Variants in FOXM1 observed in about 807,000 individuals in gnomAD.
FOXM1 encodes forkhead box M1.
FOXM1 carries 25 observed loss-of-function variants against 63.6 expected under a neutral mutation model. The observed-to-expected ratio is 0.39, with a 90% CI of 0.29 to 0.55. The LOEUF is 0.55. FOXM1 is among the 20% of genes least tolerant of loss of function. FOXM1 has a pLI of 0.60. For missense variants in FOXM1, 879 were observed against 958.7 expected (o/e 0.92, Z 1.10); for synonymous variants, 387 against 376.9 (o/e 1.03, Z -0.31).
intron 8 of FOXM1, chr12:2,861,333 G>T (rs774455070): frequency 2.7e-6 from 2 of 740,968 alleles, no homozygotes; most frequent in South Asian, 3.0e-5. Flanking sequence ...AAACAAGCTG[G>T]TGATGGGTGT....
In FOXM1 at chr12:2,870,656, C is replaced by G. The variant is rs960916791; in HGVS notation, c.654+1440G>C. On this transcript the variant is annotated intron_variant, in intron 3 of 8. Coordinates refer to ENST00000359843, the MANE Select transcript of FOXM1 (RefSeq NM_021953.4). ...CCAGCCTGGCAACAAAGAGAGAATC[C>G]GTCTCAAAAAGAAAAAAAAAGAGGC... is the stretch of plus-strand genomic sequence containing the variant. Among the ~76,000 whole-genome samples, 7 of 146,474 alleles carry G rather than the reference C, an allele frequency of 4.8e-5. No individual in the cohort carries two copies. The East Asian group carries it at 1.2e-3, about 26-fold the overall frequency.
In FOXM1 at chr12:2,864,853, A is replaced by T. The variant is rs1411028126; in HGVS notation, c.1021-101T>A. On this transcript the variant is annotated intron_variant, in intron 6 of 8. Transcript: ENST00000359843. The surrounding 1 kb of genome is among the most constrained non-coding windows in gnomAD (Gnocchi z 5.1). ...CAGCTGCTCTGGTGGTGTGTGCTTG[A>T]GTTAATGACAGCCCAGAGAGAGGAG... 2 of 1,308,664 alleles carry T rather than the reference A, an allele frequency of 1.5e-6. No individual in the cohort carries two copies. The highest frequency in any genetic ancestry group is 4.6e-5 in the East Asian group (2 of 43,268). 81.1% of individuals were successfully genotyped at this position (1,308,664 alleles called of 1,614,324 possible). A position where few individuals can be genotyped will look rare whatever the true frequency, so the allele number is the denominator to read the frequency against.
At position 2,863,155 on chromosome 12, in the gene FOXM1, C is replaced by T. The variant is rs114951148; in HGVS notation, c.1266+1165G>A. Among the ~76,000 whole-genome samples the T allele has an allele frequency of 9.2e-3, 1,407 of 152,228 alleles. 22 individuals are homozygous for T. Among genetic ancestry groups the T allele is most frequent in the African/African-American group, 0.031 (1,296 of 41,538 alleles). On this transcript the variant is annotated intron_variant, in intron 8 of 8. Transcript: ENST00000359843. ...ATTGCCGCGCCTGTGGTGGGTGCTACTGGCGTCTAGTGGGGAAAACAAGGG... is the reference window on the plus strand; with the variant it reads ...ATTGCCGCGCCTGTGGTGGGTGCTATTGGCGTCTAGTGGGGAAAACAAGGG...
Position 2,859,462 on chromosome 12 carries a change from G to A in FOXM1, c.1468C>T (p.Pro490Ser), listed in dbSNP as rs1466818757. ...GATTCCTCTTTGAAAGATGGGGCCG[G>A]GGAGGGCCACTCTTCCAAGGGAGGG... Reference protein sequence around the residue: ...ESPPLEEWPSPAPSFKEESSH... With the variant: ...ESPPLEEWPSSAPSFKEESSH... The change falls in exon 9 of 9, where the codon CCG (proline) becomes TCG (serine). Residue 490 changes from proline to serine, a missense_variant. Around this residue, in one of 4 missense-constraint regions of FOXM1, gnomAD observed 486 missense variants for 453.5 expected, o/e 1.07. Transcript: ENST00000359843. 1.2e-6 allele frequency: 2 copies of A among 1,613,806 alleles called. No homozygotes were observed. Among genetic ancestry groups the A allele is most frequent in the Non-Finnish European group, 1.7e-6 (2 of 1,180,018 alleles).
chr12:2,858,888 G>C lies in FOXM1; in HGVS notation c.2042C>G (p.Pro681Arg), dbSNP rs753064494. 5.0e-6 allele frequency: 8 copies of C among 1,613,920 alleles called. No individual in the cohort carries two copies. The Admixed American group carries it at 8.3e-5, about 17-fold the overall frequency. The stretch of plus-strand genomic sequence containing the variant: ...AAAGGGGACGGAGATGAGGTCTAAG[G>C]GTTCTGAACTGAGGAGCCTTTGCGG... Reference protein sequence around the residue: ...ESPQRLLSSEPLDLISVPFGN... With the variant: ...ESPQRLLSSERLDLISVPFGN... Residue 681 changes from proline (P) to arginine (R), a missense_variant, in exon 9 of 9, where the codon CCC becomes CGC. Physicochemically the swap from Pro to Arg is moderately radical, Grantham distance 103. Coordinates refer to ENST00000359843, the MANE Select transcript of FOXM1 (RefSeq NM_021953.4).
Position 2,858,927 on chromosome 12 carries a change from G to T in FOXM1, c.2003C>A (p.Pro668His), listed in dbSNP as rs764705130. The change falls in exon 9 of 9, where the codon CCC becomes CAC. Residue 668 changes from proline to histidine, a missense_variant. By Grantham distance (77) the Pro-to-His change is moderately conservative (BLOSUM62 -2). Transcript: ENST00000359843. ...GAGCCTTTGCGGTGATTCAAGGGGG[G>T]GAGCACTTTGCAAGGGAGTGGTGCT... The part of the protein sequence containing the change: ...DLSTTPLQSA[P>H]PLESPQRLLS... 3.1e-6 allele frequency: 5 copies of T among 1,613,658 alleles called. No homozygotes were observed. Among genetic ancestry groups the T allele is most frequent in the Non-Finnish European group, 4.2e-6 (5 of 1,180,010 alleles).
rs745405351 is a variant in FOXM1 at position 2,864,648 on chromosome 12, A to G, written c.1090+35T>C. ...TCCCTAAAGATATGGCCCCAGAACA[A>G]GGACCAGGCCCAAGGCCCACTCTCC... On this transcript the variant is annotated intron_variant, in intron 7 of 8. Coordinates refer to ENST00000359843, the MANE Select transcript of FOXM1 (RefSeq NM_021953.4). This position sits in a 1 kb window ranked among gnomAD's most constrained non-coding sequence, Gnocchi z 5.1. 5.0e-6 allele frequency: 8 copies of G among 1,609,410 alleles called. No homozygotes were observed. The Admixed American group carries it at 8.3e-5, about 17-fold the overall frequency.
intron 8 of FOXM1, among the ~76,000 whole-genome samples, chr12:2,862,181 GAAAAA>G (rs962205817): frequency 9.8e-6 from 1 of 102,436 alleles, no homozygotes; most frequent in Non-Finnish European, 2.1e-5. Flanking sequence ...TCCGTCTCAG[GAAAAA>G]AAAAAAAAAA....
At position 2,858,580 on chromosome 12, in the gene FOXM1, T is replaced by TGAGCCTTGGAGTGCCCG; in HGVS notation, c.*41_*57dup. On this transcript the variant is annotated 3_prime_UTR_variant, in exon 9 of 9. Transcript: ENST00000359843. Reference sequence around the variant, plus strand: ...CCTCACTCAGAGGCTTGGGGTGCACTGAGCCTTGGAGTGCCCGGGATGGTG... The same window carrying TGAGCCTTGGAGTGCCCG: ...CCTCACTCAGAGGCTTGGGGTGCACTGAGCCTTGGAGTGCCCGGAGCCTTGGAGTGCCCGGGATGGTG... The TGAGCCTTGGAGTGCCCG allele has an allele frequency of 2.7e-6, 4 of 1,491,872 alleles. No individual in the cohort carries two copies. Among genetic ancestry groups the TGAGCCTTGGAGTGCCCG allele is most frequent in the Non-Finnish European group, 3.7e-6 (4 of 1,092,120 alleles). 92.4% of individuals were successfully genotyped at this position (1,491,872 alleles called of 1,614,324 possible).
rs1434602845 is a variant in FOXM1 at position 2,864,570 on chromosome 12, C to T, written c.1091-75G>A. ...TTCTCAGCCCCAGGAGCTTTGCTCTCCTTCTCTGGGCTCAGATCCCTTTGA... is the reference window on the plus strand; with the variant it reads ...TTCTCAGCCCCAGGAGCTTTGCTCTTCTTCTCTGGGCTCAGATCCCTTTGA... On this transcript the variant is annotated intron_variant, in intron 7 of 8. Coordinates refer to ENST00000359843, the MANE Select transcript of FOXM1 (RefSeq NM_021953.4). This position sits in a 1 kb window ranked among gnomAD's most constrained non-coding sequence, Gnocchi z 5.1. 27 of 1,582,982 alleles carry T rather than the reference C, an allele frequency of 1.7e-5. No homozygotes were observed. Among genetic ancestry groups the T allele is most frequent in the Non-Finnish European group, 2.3e-5 (27 of 1,154,406 alleles).
chr12:2,876,515 G>C (rs1384079234), intron 1 of FOXM1: 1 of 152,460 alleles, frequency 6.6e-6, no homozygotes. Flanking sequence ...CCTGCAAAAG[G>C]GTAAGTAAGA....
Position 2,874,911 on chromosome 12 carries a change from A to T in FOXM1, c.-47-386T>A, listed in dbSNP as rs1042210900. Among the ~76,000 whole-genome samples, 7 of 152,164 alleles carry T rather than the reference A, an allele frequency of 4.6e-5. No individual in the cohort carries two copies. The highest frequency in any genetic ancestry group is 1.2e-4 in the African/African-American group (5 of 41,452). ...TGTATGGACAGAAATGGAAGATGCT[A>T]GAATAGGAAAGCATATGGTAATTAG... On this transcript the variant is annotated intron_variant, in intron 1 of 8. Coordinates refer to ENST00000359843, the MANE Select transcript of FOXM1 (RefSeq NM_021953.4). The surrounding 1 kb of genome is among the most constrained non-coding windows in gnomAD (Gnocchi z 4.3).
Position 2,864,530 on chromosome 12 carries a change from A to G in FOXM1, c.1091-35T>C. The G allele has an allele frequency of 6.3e-7, 1 of 1,597,588 alleles. No homozygotes were observed. Among genetic ancestry groups the G allele is most frequent in the Non-Finnish European group, 8.6e-7 (1 of 1,167,510 alleles). On this transcript the variant is annotated intron_variant, in intron 7 of 8. Transcript: ENST00000359843. This position sits in a 1 kb window ranked among gnomAD's most constrained non-coding sequence, Gnocchi z 5.1. ...AACACGAGAGATCAGGAGCAGGGGG[A>G]CTGGAGTACACCCCTTCTCAGCCCC... is the stretch of plus-strand genomic sequence containing the variant.
chr12:2,865,149 G>A (rs2098120841), intron 6 of FOXM1, among the ~76,000 whole-genome samples: 1 of 152,216 alleles, frequency 6.6e-6, no homozygotes, highest in Non-Finnish European at 1.5e-5. Flanking sequence ...GCTCTGCTCA[G>A]TGTGCCCTTG....
chr12:2,873,912 A>G (rs553914883), intron 2 of FOXM1, 65 bp downstream of exon 2: 2 of 1,519,848 alleles, frequency 1.3e-6, no homozygotes, highest in East Asian at 2.3e-5. Flanking sequence ...AAGACTGACT[A>G]CACACCTTGC....
At position 2,859,211 on chromosome 12, in the gene FOXM1, T is replaced by G; in HGVS notation, c.1719A>C (p.Ala573=). ...SEGPSTSRWA[A]ELPFPADSSD... is the part of the protein sequence containing the mutation. ...AGGAGTCTGCTGGGAACGGGAGCTC[T>G]GCGGCCCAGCGGGAAGTACTGGGCC... Residue 573 remains alanine, a synonymous_variant, in exon 9 of 9, where the codon GCA becomes GCC. Transcript: ENST00000359843. The G allele has an allele frequency of 6.2e-7, 1 of 1,612,496 alleles. No homozygotes were observed. Among genetic ancestry groups the G allele is most frequent in the Non-Finnish European group, 8.5e-7 (1 of 1,179,138 alleles).
At chr12:2,863,527 C>G (rs2153934393) in intron 8 of FOXM1, among the ~76,000 whole-genome samples, 1 of 151,512 alleles carries the variant, frequency 6.6e-6, no homozygotes, top group East Asian at 2.0e-4. Flanking sequence ...TAGCTGGTAC[C>G]ACAGGCATGT....
chr12:2,871,654 A>G (rs1369470574), intron 3 of FOXM1, among the ~76,000 whole-genome samples: 1 of 149,956 alleles, frequency 6.7e-6, no homozygotes, highest in Non-Finnish European at 1.5e-5. Context: ...GCTGTCTTAA[A>G]AAAAAAAAAT....
intron 3 of FOXM1, among the ~76,000 whole-genome samples, chr12:2,870,896 A>G (rs576772692): frequency 2.1e-5 from 3 of 142,572 alleles, no homozygotes; most frequent in African/African-American, 7.7e-5. Context: ...AGGTGGAGGT[A>G]GCAGTGAGCT....
Sources: gnomAD v4.1 joint callset for allele counts (sites outside exome capture counted in the v4.1 genomes callset) on GRCh38, gnomAD v4.1.1 for gene constraint, gnomAD v4.1.1 regional missense constraint, Gnocchi (gnomAD v3.1) non-coding constraint, MANE v1.5 for transcripts, NCBI Gene and HGNC (gene_info 2026-07-23, HGNC 2026-07-21) for gene names.